MESD: variants seen among roughly 807,000 people sequenced by gnomAD.
MESD encodes mesoderm development LRP chaperone.
Under a neutral mutation model 12.9 loss-of-function variants are expected in MESD, and 7 were observed. The observed-to-expected ratio is 0.54, with a 90% CI of 0.31 to 1.02. The LOEUF is 1.02. MESD is among the 50% of genes least tolerant of loss of function. The pLI, the probability that MESD is intolerant of heterozygous loss-of-function variation, is 0.05. For synonymous variants in MESD, 126 were observed against 115.6 expected, an observed-to-expected ratio of 1.09 and a Z score of -0.58; for missense variants, 342 against 296.7, an observed-to-expected ratio of 1.15 and a Z score of -1.12.
At chr15:80,946,934 C>T (rs780196660), downstream of MESD, 21 of 1,486,796 alleles carry the variant, frequency 1.4e-5, no homozygotes, top group Admixed American at 3.4e-4. Flanking sequence ...TTGCTCTCTC[C>T]CTCTGGTCTA....
Position 80,979,414 on chromosome 15 carries a change from G to C in MESD, c.510C>G (p.Ile170Met). The C allele has an allele frequency of 1.9e-6, 3 of 1,614,142 alleles. No individual in the cohort carries two copies. Among genetic ancestry groups the C allele is most frequent in the Non-Finnish European group, 2.5e-6 (3 of 1,180,030 alleles). ...MLRDGSYAWE[I>M]KDFLVGQDRC... ...TGTCTTGACCGACCAAAAAGTCCTTGATCTCCCAGGCGTAGCTCCCATCGC... is the reference window on the plus strand; with the variant it reads ...TGTCTTGACCGACCAAAAAGTCCTTCATCTCCCAGGCGTAGCTCCCATCGC... Residue 170 changes from isoleucine to methionine, a missense_variant, in exon 3 of 3, where the codon ATC (isoleucine) becomes ATG (methionine). Ile to Met is a conservative substitution (Grantham distance 10). Coordinates refer to ENST00000261758, the MANE Select transcript of MESD (RefSeq NM_015154.3).
exon 5 of MESD, chr15:80,947,490 A>G: frequency 5.8e-6 from 1 of 173,474 alleles, no homozygotes; most frequent in East Asian, 1.5e-4. Flanking sequence ...CAGCTTGCAA[A>G]ACTCTTATTT....
chr15:80,965,856 G>A (rs1902166489), intron 3 of MESD, among the ~76,000 whole-genome samples: 1 of 152,108 alleles, frequency 6.6e-6, no homozygotes, highest in Non-Finnish European at 1.5e-5. Flanking sequence ...TAATGTAAAT[G>A]ATGAGTTGAT....
At chr15:80,983,894 C>CTTT (rs10570822) in intron 1 of MESD, among the ~76,000 whole-genome samples, 9,049 of 88,508 alleles carry the variant, frequency 0.1, 876 homozygotes, top group Middle Eastern at 0.11. Flanking sequence ...AAAACAGTAA[C>CTTT]TTTTTTTTTT....
intron 4 of MESD, chr15:80,950,147 C>T (rs779331312): frequency 1.4e-4 from 22 of 152,370 alleles, no homozygotes; most frequent in Middle Eastern, 3.4e-3. Flanking sequence ...TCCAGGAGAC[C>T]CTAGATGTGC....
rs538333305 is a variant in MESD, at chr15:80,959,785, A to G, written c.*289-7489T>C. Among the ~76,000 whole-genome samples the G allele has an allele frequency of 2.2e-4, 33 of 151,460 alleles. No individual in the cohort carries two copies. The South Asian group carries it at 2.3e-3, about 11-fold the overall frequency. ...AAAGTGGAAGAGAGAAGAATAGCTCATGTCCCCATTATCTCCTGGAAGTGC... is the reference window on the plus strand; with the variant it reads ...AAAGTGGAAGAGAGAAGAATAGCTCGTGTCCCCATTATCTCCTGGAAGTGC... On this transcript the variant is annotated intron_variant, in intron 3 of 4. Transcript: ENST00000561312.
chr15:80,986,704 G>C (rs544568428), intron 1 of MESD, among the ~76,000 whole-genome samples: 55 of 152,278 alleles, frequency 3.6e-4, no homozygotes, highest in African/African-American at 1.3e-3. Context: ...AAGTCAGGCA[G>C]TCCCCTGACT....
chr15:80,987,670 G>C (rs1902771003), intron 1 of MESD, among the ~76,000 whole-genome samples: 1 of 152,074 alleles, frequency 6.6e-6, no homozygotes, highest in South Asian at 2.1e-4. Context: ...TTTATTTTTA[G>C]TAGAGATGGA....
chr15:80,960,386 C>T (rs534850400), intron 3 of MESD, among the ~76,000 whole-genome samples: 3 of 139,706 alleles, frequency 2.1e-5, no homozygotes, highest in Admixed American at 1.4e-4. Context: ...AAAAAAAGCA[C>T]GGAGAAAAAA....
chr15:80,971,462 A>G (rs1261827598), downstream of MESD, among the ~76,000 whole-genome samples: 1 of 152,158 alleles, frequency 6.6e-6, no homozygotes, highest in African/African-American at 2.4e-5. Flanking sequence ...TAAGTCAGTT[A>G]ATAAGAATCC....
chr15:80,984,742 C>T (rs901777962), intron 1 of MESD, among the ~76,000 whole-genome samples: 1 of 152,030 alleles, frequency 6.6e-6, no homozygotes, highest in African/African-American at 2.4e-5. Context: ...TTGCCTATGG[C>T]ATGTGAATTG....
At chr15:80,972,804 C>T (rs140593151), downstream of MESD, among the ~76,000 whole-genome samples, 699 of 152,212 alleles carry the variant, frequency 4.6e-3, 4 homozygotes, top group African/African-American at 0.016. Context: ...GGGTTGATCA[C>T]GAGGTCAGGA....
chr15:80,948,877 A>G, exon 5 of MESD: 1 of 1,614,220 alleles, frequency 6.2e-7, no homozygotes, highest in Non-Finnish European at 8.5e-7. Flanking sequence ...CAAAGCCAAA[A>G]TCTTCCAAGT....
At chr15:80,948,108 G>A (rs75062853) in exon 5 of MESD, 2,179 of 153,040 alleles carry the variant, frequency 0.014, 21 homozygotes, top group Non-Finnish European at 0.024. Flanking sequence ...TTAAGATCCC[G>A]GTTGCCAAAA....
intron 1 of MESD, among the ~76,000 whole-genome samples, chr15:80,985,639 CTTTTTTTTTT>C (rs11425497): frequency 2.2e-5 from 2 of 89,046 alleles, no homozygotes; most frequent in Non-Finnish European, 4.3e-5. Context: ...TCCCAAGCAG[CTTTTTTTTTT>C]TTTTTTTTTT....
At position 80,989,678 on chromosome 15, in the gene MESD, G is replaced by GGGCGAGCCTTCGGCCGCGCAGGACCCA. The variant is rs758610271; in HGVS notation, c.87_113dup (p.Ser31_Gly39dup). On this transcript the variant is annotated inframe_insertion, in exon 1 of 3. Transcript: ENST00000261758. ...GTGGGGTAGACTCGTCGGGCGTCCC[G>GGGCGAGCCTTCGGCCGCGCAGGACCCA]GGCGAGCCTTCGGCCGCGCAGGACC... The GGGCGAGCCTTCGGCCGCGCAGGACCCA allele has an allele frequency of 3.1e-6, 5 of 1,613,038 alleles. No homozygotes were observed. The African/African-American group carries it at 6.7e-5, about 22-fold the overall frequency.
At chr15:80,953,847 A>G (rs890663835) in intron 3 of MESD, among the ~76,000 whole-genome samples, 3 of 152,166 alleles carry the variant, frequency 2.0e-5, no homozygotes, top group African/African-American at 7.2e-5. Context: ...AAGAAAACGC[A>G]ACGGCACAAA....
exon 5 of MESD, chr15:80,947,337 A>G (rs1245947991): frequency 2.2e-6 from 1 of 452,902 alleles, no homozygotes; most frequent in Non-Finnish European, 4.1e-6. Context: ...TTGCTTGGAA[A>G]GTGGCCCTTT....
intron 3 of MESD, among the ~76,000 whole-genome samples, chr15:80,969,918 C>A (rs993008283): frequency 6.6e-6 from 1 of 152,218 alleles, no homozygotes; most frequent in Admixed American, 6.5e-5. Flanking sequence ...GGGGAAAATA[C>A]TGAATGGCTA....
Sources: allele counts gnomAD v4.1 joint callset (sites outside exome capture counted in the v4.1 genomes callset), GRCh38; gene constraint gnomAD v4.1.1; transcripts MANE v1.5; gene names NCBI Gene and HGNC (gene_info 2026-07-23, HGNC 2026-07-21).